ADAMTSL1: variants seen among roughly 807,000 people sequenced by gnomAD.
ADAMTSL1 encodes the protein ADAMTS like 1, also known as ADAMTS-like protein 1.
Under a neutral mutation model 201.8 loss-of-function variants are expected in ADAMTSL1, and 126 were observed. The ratio of observed to expected loss-of-function variants is 0.62; its 90% CI spans 0.54 to 0.72. The LOEUF (loss-of-function observed/expected upper bound fraction) is 0.72. ADAMTSL1 is among the 30% of genes least tolerant of loss of function. The pLI, the probability that ADAMTSL1 is intolerant of heterozygous loss-of-function variation, is 0.00. For missense variants in ADAMTSL1, 2,679 were observed against 2,277.8 expected (o/e 1.18, Z -3.59); for synonymous variants, 1,121 against 903.4 (o/e 1.24, Z -4.32).
chr9:18,324,949 A>G (rs2132873432), intron 2 of ADAMTSL1, among the ~76,000 whole-genome samples: 1 of 152,248 alleles, frequency 6.6e-6, no homozygotes, highest in African/African-American at 2.4e-5. Context: ...AAACTTAAAC[A>G]CTTCACAGCG....
At chr9:18,139,501 C>T (rs1485247287) in intron 1 of ADAMTSL1, among the ~76,000 whole-genome samples, 1 of 152,100 alleles carries the variant, frequency 6.6e-6, no homozygotes, top group Non-Finnish European at 1.5e-5. Context: ...GTTAACCATC[C>T]TATTCTGATA....
In ADAMTSL1 at chr9:18,179,589, T is replaced by C. The variant is rs1231630644; in HGVS notation, c.207+15608T>C. On this transcript the variant is annotated intron_variant, in intron 2 of 29. Coordinates refer to the ADAMTSL1 transcript ENST00000680146. ...CACATAATTGTCAGATTCACCAAAG[T>C]TGAAATGAAGGAAAAAATGTTAAGG... 2.6e-5 allele frequency among the ~76,000 whole-genome samples: 4 copies of C among 151,782 alleles called. No individual in the cohort carries two copies. The East Asian group carries it at 7.8e-4, about 30-fold the overall frequency.
intron 2 of ADAMTSL1, among the ~76,000 whole-genome samples, chr9:18,366,138 G>T (rs1005916461): frequency 5.3e-5 from 8 of 151,850 alleles, no homozygotes; most frequent in African/African-American, 1.9e-4. Context: ...TTTATTTTTG[G>T]GTGCTGGAGT....
intron 2 of ADAMTSL1, among the ~76,000 whole-genome samples, chr9:18,359,479 T>A (rs962744280): frequency 1.6e-4 from 25 of 152,196 alleles, no homozygotes; most frequent in African/African-American, 6.0e-4. Flanking sequence ...GGACAATGTT[T>A]GACCCAAAAG....
intron 3 of ADAMTSL1, among the ~76,000 whole-genome samples, chr9:18,567,110 A>T (rs1805883351): frequency 6.6e-6 from 1 of 152,126 alleles, no homozygotes; most frequent in Non-Finnish European, 1.5e-5. Context: ...ACAATCCTGT[A>T]TTTTAAAAAG....
At chr9:18,539,489 A>G (rs1336868129) in intron 3 of ADAMTSL1, among the ~76,000 whole-genome samples, 1 of 152,226 alleles carries the variant, frequency 6.6e-6, no homozygotes, top group Non-Finnish European at 1.5e-5. Context: ...CTGGAAACGC[A>G]GAAAACTCAC....
chr9:18,589,085 C>T (rs1823741716), intron 4 of ADAMTSL1, among the ~76,000 whole-genome samples: 1 of 151,686 alleles, frequency 6.6e-6, no homozygotes, highest in Non-Finnish European at 1.5e-5. Context: ...CCATGTTGGC[C>T]AGGCTGGCCT....
intron 9 of ADAMTSL1, among the ~76,000 whole-genome samples, chr9:18,673,947 T>A (rs1300805446): frequency 6.6e-6 from 1 of 152,088 alleles, no homozygotes; most frequent in Non-Finnish European, 1.5e-5. Flanking sequence ...AAATTCCCTT[T>A]ATTACTAGAT....
At chr9:18,236,538 C>T (rs1184343133) in intron 2 of ADAMTSL1, among the ~76,000 whole-genome samples, 6 of 152,150 alleles carry the variant, frequency 3.9e-5, no homozygotes, top group Non-Finnish European at 7.3e-5. Context: ...CTTCCCTTTC[C>T]TGTGATGATG....
chr9:18,310,245 C>A (rs76190586), intron 2 of ADAMTSL1, among the ~76,000 whole-genome samples: 2 of 151,570 alleles, frequency 1.3e-5, no homozygotes, highest in Non-Finnish European at 1.5e-5. Context: ...TAGAAGAAAA[C>A]CTAGGCAATA....
Position 18,504,297 on chromosome 9 carries a change from T to A in ADAMTSL1, c.64-532T>A, listed in dbSNP as rs1042240048. Reference sequence around the variant, plus strand: ...AGCAAGTCTATTTGTCAAGAGGCAATCCGTGCATTGCTAAAGTTATTTGTA... The same window carrying A: ...AGCAAGTCTATTTGTCAAGAGGCAAACCGTGCATTGCTAAAGTTATTTGTA... On this transcript the variant is annotated intron_variant, in intron 1 of 28. Transcript: ENST00000380548. Among the ~76,000 whole-genome samples the A allele has an allele frequency of 3.3e-5, 5 of 152,300 alleles. No individual in the cohort carries two copies. The East Asian group carries it at 9.6e-4, about 29-fold the overall frequency.
Position 18,368,147 on chromosome 9 carries a change from C to T in ADAMTSL1, c.208-136682C>T, listed in dbSNP as rs145685297. Among the ~76,000 whole-genome samples the T allele has an allele frequency of 5.2e-3, 785 of 152,142 alleles. 5 individuals carry two copies. Among genetic ancestry groups the T allele is most frequent in the African/African-American group, 0.018 (749 of 41,504 alleles). Reference sequence around the variant, plus strand: ...CGCCAGGATGGTCTCCATCTCCTGACCTCGTGATCCGCCTGCCTTGGCCTC... The same window carrying T: ...CGCCAGGATGGTCTCCATCTCCTGATCTCGTGATCCGCCTGCCTTGGCCTC... On this transcript the variant is annotated intron_variant, in intron 2 of 29. Coordinates refer to the ADAMTSL1 transcript ENST00000680146.
At chr9:18,277,277 C>G (rs1832622357) in intron 2 of ADAMTSL1, among the ~76,000 whole-genome samples, 1 of 152,152 alleles carries the variant, frequency 6.6e-6, no homozygotes, top group Non-Finnish European at 1.5e-5. Context: ...AAGTGTTGTT[C>G]AAGTCCACAG....
Position 18,889,571 on chromosome 9 carries a change from ACT to A in ADAMTSL1, c.4467_4468del (p.Tyr1489Ter). 1 of 1,613,644 alleles carries A rather than the reference ACT, an allele frequency of 6.2e-7. No individual in the cohort carries two copies. ...ACTGCTCCTCCTCCCATGACAGATT[ACT>A]GGTGGTCTGTGGACAGACTGGCAAC... On this transcript the variant is annotated stop_gained and frameshift_variant, in exon 25 of 29. Transcript: ENST00000380548. LOFTEE classifies it high-confidence loss of function.
chr9:18,074,561 C>CTTTTTTTTTTTTT (rs138619215), intron 1 of ADAMTSL1, among the ~76,000 whole-genome samples: 1 of 131,344 alleles, frequency 7.6e-6, no homozygotes, highest in Non-Finnish European at 1.6e-5. Flanking sequence ...CTTCTCTTTT[C>CTTTTTTTTTTTTT]TTTTTTTTTT....
intron 2 of ADAMTSL1, among the ~76,000 whole-genome samples, chr9:18,334,637 A>G (rs1047532366): frequency 2.6e-5 from 4 of 152,174 alleles, no homozygotes; most frequent in Admixed American, 6.6e-5. Context: ...CAATTCATCT[A>G]TCTAATTTCT....
chr9:18,733,020 G>A (rs760693911), intron 15 of ADAMTSL1, among the ~76,000 whole-genome samples: 3 of 152,182 alleles, frequency 2.0e-5, no homozygotes. Context: ...GCCAGTGGCA[G>A]GTCCAAACTT....
chr9:18,710,064 C>T (rs1009826287), intron 14 of ADAMTSL1, among the ~76,000 whole-genome samples: 3 of 152,162 alleles, frequency 2.0e-5, no homozygotes, highest in Non-Finnish European at 1.5e-5. Flanking sequence ...ATCGTGCCTG[C>T]CTCCCATGGG....
At chr9:18,182,254 A>G (rs575072886) in intron 2 of ADAMTSL1, among the ~76,000 whole-genome samples, 1 of 152,060 alleles carries the variant, frequency 6.6e-6, no homozygotes, top group Non-Finnish European at 1.5e-5. Context: ...AAACATGCAC[A>G]TTGTGCACAA....
Sources: gnomAD v4.1 joint callset for allele counts (sites outside exome capture counted in the v4.1 genomes callset) on GRCh38, gnomAD v4.1.1 for gene constraint, MANE v1.5 for transcripts, NCBI Gene and HGNC (gene_info 2026-07-23, HGNC 2026-07-21) for gene names.